Variants in CLSTN2 observed in about 807,000 individuals in gnomAD.
CLSTN2 encodes calsyntenin 2.
Under a neutral mutation model 101.2 loss-of-function variants are expected in CLSTN2, and 48 were observed. That is an observed-to-expected ratio of 0.47 (90% confidence interval 0.38 to 0.60). The LOEUF (loss-of-function observed/expected upper bound fraction) is 0.60, where lower values mean the gene tolerates loss of function less well. Among genes scored for constraint, CLSTN2 ranks in the 20% least tolerant of loss-of-function variants. The pLI, the probability that CLSTN2 is intolerant of heterozygous loss-of-function variation, is 0.00. For missense variants in CLSTN2, 1,160 were observed against 1,238.2 expected, an observed-to-expected ratio of 0.94 and a Z score of 0.95; for synonymous variants, 481 against 463.6, an observed-to-expected ratio of 1.04 and a Z score of -0.48.
intron 1 of CLSTN2, among the ~76,000 whole-genome samples, chr3:140,002,829 C>T (rs975094794): frequency 6.7e-6 from 1 of 148,782 alleles, no homozygotes; most frequent in South Asian, 2.2e-4. Flanking sequence ...TATTTTCCCC[C>T]CAATGTATGT....
intron 2 of CLSTN2, among the ~76,000 whole-genome samples, chr3:140,193,232 T>C (rs1014505367): frequency 1.3e-5 from 2 of 151,070 alleles, no homozygotes. Context: ...TTTCTTCTTT[T>C]CTGATGCTCC....
intron 2 of CLSTN2, among the ~76,000 whole-genome samples, chr3:140,217,352 C>A (rs1489348056): frequency 6.6e-6 from 1 of 152,304 alleles, no homozygotes; most frequent in Admixed American, 6.5e-5. Context: ...CACCTATGGT[C>A]CTGAATGGCT....
intron 8 of CLSTN2, among the ~76,000 whole-genome samples, chr3:140,525,909 A>G (rs1935127105): frequency 6.6e-6 from 1 of 152,174 alleles, no homozygotes. Flanking sequence ...CTAGGCATCA[A>G]AGGATCATAT....
chr3:140,074,938 T>C (rs1445378959), intron 1 of CLSTN2, among the ~76,000 whole-genome samples: 1 of 152,142 alleles, frequency 6.6e-6, no homozygotes, highest in Non-Finnish European at 1.5e-5. Context: ...TCCAAATCAC[T>C]TCCTGGTATT....
chr3:140,279,148 C>T (rs1352817042), intron 2 of CLSTN2, among the ~76,000 whole-genome samples: 2 of 152,174 alleles, frequency 1.3e-5, no homozygotes, highest in African/African-American at 4.8e-5. Context: ...TGAGATCCAT[C>T]CCATTGGCTT....
chr3:140,281,390 T>C (rs1470802199), intron 2 of CLSTN2, among the ~76,000 whole-genome samples: 4 of 152,100 alleles, frequency 2.6e-5, no homozygotes, highest in Non-Finnish European at 4.4e-5. Context: ...AAAAAAATAT[T>C]AGCTCACCCT....
intron 2 of CLSTN2, among the ~76,000 whole-genome samples, chr3:140,397,337 ATAATAT>A (rs2088193586): frequency 6.6e-6 from 1 of 152,210 alleles, no homozygotes; most frequent in African/African-American, 2.4e-5. Context: ...ATTATTGTAG[ATAATAT>A]TAAGTTATAG....
chr3:140,067,878 T>C (rs183399820), intron 1 of CLSTN2, among the ~76,000 whole-genome samples: 109 of 152,178 alleles, frequency 7.2e-4, no homozygotes, highest in Non-Finnish European at 2.1e-4. Context: ...AAAGTAGTAA[T>C]GTGCATTAGG....
Position 140,288,417 on chromosome 3 carries a change from T to C in CLSTN2, c.232+112344T>C, listed in dbSNP as rs897140129. On this transcript the variant is annotated intron_variant, in intron 2 of 16. Transcript: ENST00000458420. Reference sequence around the variant, plus strand: ...TGATGCCCTGGGATCCTCTCAGATATCCAGCTGTTCCAAGAGGATTCTATT... The same window carrying C: ...TGATGCCCTGGGATCCTCTCAGATACCCAGCTGTTCCAAGAGGATTCTATT... Among the ~76,000 whole-genome samples the C allele has an allele frequency of 3.9e-5, 6 of 152,140 alleles. No individual in the cohort carries two copies. In the East Asian group the frequency reaches 9.6e-4, roughly 24 times the overall value.
chr3:140,199,225 A>T (rs1050091189), intron 2 of CLSTN2, among the ~76,000 whole-genome samples: 2 of 152,194 alleles, frequency 1.3e-5, no homozygotes, highest in African/African-American at 4.8e-5. Context: ...ACACTGGCTG[A>T]TGAGGGTGGC....
intron 2 of CLSTN2, among the ~76,000 whole-genome samples, chr3:140,324,219 C>T (rs373241135): frequency 6.6e-6 from 1 of 152,192 alleles, no homozygotes; most frequent in Non-Finnish European, 1.5e-5. Context: ...AATTGTCATG[C>T]TTAGCAATCT....
chr3:140,092,065 C>T (rs1560092034), intron 1 of CLSTN2, among the ~76,000 whole-genome samples: 2 of 152,188 alleles, frequency 1.3e-5, no homozygotes, highest in Admixed American at 1.3e-4. Context: ...CAGCCCCACC[C>T]TCTAAGTCTG....
At chr3:140,249,298 C>G (rs1195461163) in intron 2 of CLSTN2, among the ~76,000 whole-genome samples, 1 of 152,202 alleles carries the variant, frequency 6.6e-6, no homozygotes, top group Non-Finnish European at 1.5e-5. Flanking sequence ...TGCAGATGTT[C>G]TGGCTGGAGT....
At chr3:140,302,706 G>T (rs1248295716) in intron 2 of CLSTN2, among the ~76,000 whole-genome samples, 4 of 152,220 alleles carry the variant, frequency 2.6e-5, no homozygotes, top group African/African-American at 9.6e-5. Context: ...ATGTGGAAAA[G>T]ATGCCCCCAC....
intron 1 of CLSTN2, among the ~76,000 whole-genome samples, chr3:140,015,069 C>A (rs781221547): frequency 6.6e-5 from 10 of 151,430 alleles, no homozygotes; most frequent in Non-Finnish European, 1.2e-4. Context: ...TCACATCCAT[C>A]CCCCTTGCTC....
At chr3:140,124,681 C>T (rs1284810953) in intron 1 of CLSTN2, among the ~76,000 whole-genome samples, 1 of 152,098 alleles carries the variant, frequency 6.6e-6, no homozygotes, top group East Asian at 1.9e-4. Flanking sequence ...CTGTTCTGAG[C>T]TGTTGAGATG....
At chr3:139,942,916 G>T (rs767224492) in intron 1 of CLSTN2, among the ~76,000 whole-genome samples, 1 of 152,154 alleles carries the variant, frequency 6.6e-6, no homozygotes, top group African/African-American at 2.4e-5. Context: ...GATCTTGCTT[G>T]TCTCCAGCTC....
intron 2 of CLSTN2, among the ~76,000 whole-genome samples, chr3:140,260,305 C>G (rs375515881): frequency 6.6e-6 from 1 of 152,034 alleles, no homozygotes; most frequent in Admixed American, 6.6e-5. Flanking sequence ...ATCTTAGGAA[C>G]TATCACTGTG....
At chr3:140,202,544 C>T (rs2010730719) in intron 2 of CLSTN2, among the ~76,000 whole-genome samples, 2 of 152,156 alleles carry the variant, frequency 1.3e-5, no homozygotes, top group African/African-American at 4.8e-5. Flanking sequence ...AACGTTCTGT[C>T]TGCTGTGCCT....
Sources: gnomAD v4.1 joint callset for allele counts (sites outside exome capture counted in the v4.1 genomes callset) on GRCh38, gnomAD v4.1.1 for gene constraint, MANE v1.5 for transcripts, NCBI Gene and HGNC (gene_info 2026-07-23, HGNC 2026-07-21) for gene names.